Variants in NKAIN3 observed in about 807,000 individuals in gnomAD.
The protein encoded by NKAIN3 is sodium/potassium-transporting ATPase subunit beta-1-interacting protein 3.
In NKAIN3, 25 loss-of-function variants were observed where a neutral mutation model predicts 30.2. The ratio of observed to expected loss-of-function variants is 0.83; its 90% confidence interval spans 0.60 to 1.16. The LOEUF (loss-of-function observed/expected upper bound fraction) is 1.16. Ranked by LOEUF, NKAIN3 falls within the 50% of genes most tolerant of loss-of-function variation. The pLI, the probability that NKAIN3 is intolerant of heterozygous loss-of-function variation, is 0.00. For synonymous variants in NKAIN3, 91 were observed against 89.6 expected, an observed-to-expected ratio of 1.02 and a Z score of -0.09; for missense variants, 225 against 254.1, an observed-to-expected ratio of 0.89 and a Z score of 0.78.
At chr8:62,516,447 A>G (rs568142307) in intron 1 of NKAIN3, among the ~76,000 whole-genome samples, 1 of 152,164 alleles carries the variant, frequency 6.6e-6, no homozygotes, top group East Asian at 1.9e-4. Context: ...GTGTTCATAT[A>G]TGGTAAAGCA....
chr8:62,960,737 A>G (rs539361555), intron 6 of NKAIN3, among the ~76,000 whole-genome samples: 1 of 150,654 alleles, frequency 6.6e-6, no homozygotes, highest in Non-Finnish European at 1.5e-5. Flanking sequence ...GGAAAAAAGC[A>G]CACACACACA....
chr8:62,402,335 C>A (rs370727712), intron 1 of NKAIN3, among the ~76,000 whole-genome samples: 194 of 152,244 alleles, frequency 1.3e-3, no homozygotes, highest in African/African-American at 4.6e-3. Flanking sequence ...CTCTTTGACT[C>A]AGGGCAAGTC....
chr8:62,664,272 A>G (rs536435660), intron 3 of NKAIN3, among the ~76,000 whole-genome samples: 89 of 152,048 alleles, frequency 5.9e-4, no homozygotes, highest in Admixed American at 1.4e-3. Flanking sequence ...CTTTTAATGA[A>G]CAAACTTCCC....
Position 62,980,547 on chromosome 8 carries a change from A to G in NKAIN3, c.*15140A>G, listed in dbSNP as rs1824052743. 1 of 152,226 alleles carries G rather than the reference A, an allele frequency of 6.6e-6. No individual in the cohort carries two copies. Among genetic ancestry groups the G allele is most frequent in the South Asian group, 2.1e-4 (1 of 4,828 alleles). 9.4% of individuals were successfully genotyped at this position (152,226 alleles called of 1,614,324 possible). On this transcript the variant is annotated 3_prime_UTR_variant, in exon 7 of 7. Transcript: ENST00000623646. ...CATCAAAACTTGCGTTGTGTTGTGC[A>G]GCCTTTTCTTTGCATTGTCCAGGGG...
intron 1 of NKAIN3, among the ~76,000 whole-genome samples, chr8:62,519,762 C>T (rs1320285279): frequency 6.6e-6 from 1 of 152,124 alleles, no homozygotes; most frequent in Non-Finnish European, 1.5e-5. Context: ...ATATTCACAG[C>T]CAGTTGCATT....
chr8:62,402,751 T>A (rs1803922019), intron 1 of NKAIN3, among the ~76,000 whole-genome samples: 1 of 152,088 alleles, frequency 6.6e-6, no homozygotes, highest in Non-Finnish European at 1.5e-5. Flanking sequence ...CAATCTTGAG[T>A]ATGTCCTTAT....
intron 3 of NKAIN3, among the ~76,000 whole-genome samples, chr8:62,604,741 T>C (rs1457395820): frequency 1.3e-5 from 2 of 152,094 alleles, no homozygotes; most frequent in African/African-American, 4.8e-5. Flanking sequence ...TTTAGCAAAC[T>C]TCAAAGAAAA....
At chr8:62,547,692 C>T (rs1809062256) in intron 1 of NKAIN3, among the ~76,000 whole-genome samples, 1 of 152,208 alleles carries the variant, frequency 6.6e-6, no homozygotes, top group South Asian at 2.1e-4. Context: ...GCTCCTCCAA[C>T]TTCCAGCAGC....
At chr8:62,629,394 T>C (rs2130258586) in intron 3 of NKAIN3, among the ~76,000 whole-genome samples, 1 of 152,278 alleles carries the variant, frequency 6.6e-6, no homozygotes, top group East Asian at 1.9e-4. Flanking sequence ...ACTTATATTT[T>C]GCATGCCTAC....
At chr8:62,853,142 A>G (rs1351783296) in intron 4 of NKAIN3, among the ~76,000 whole-genome samples, 4 of 152,108 alleles carry the variant, frequency 2.6e-5, no homozygotes, top group Non-Finnish European at 4.4e-5. Context: ...GTGCTCCTGT[A>G]TTTGGTGCAT....
At chr8:62,822,638 A>G (rs1274030750) in intron 4 of NKAIN3, among the ~76,000 whole-genome samples, 1 of 152,162 alleles carries the variant, frequency 6.6e-6, no homozygotes, top group Admixed American at 6.5e-5. Context: ...GTTATATTAT[A>G]CTTGTCATTC....
intron 5 of NKAIN3, among the ~76,000 whole-genome samples, chr8:62,919,015 TAA>T (rs140922512): frequency 6.6e-6 from 1 of 150,742 alleles, no homozygotes; most frequent in Non-Finnish European, 1.5e-5. Flanking sequence ...TACGAGGTGC[TAA>T]AAAAAAGTTA....
rs893870414 is a variant in NKAIN3 at position 62,554,869 on chromosome 8, A to T, written c.55-24670A>T. ...CTTCCACCCCTGATAACCATCACTCACTCTCTGTTTGTATGTATGTGGCTT... is the reference window on the plus strand; with the variant it reads ...CTTCCACCCCTGATAACCATCACTCTCTCTCTGTTTGTATGTATGTGGCTT... On this transcript the variant is annotated intron_variant, in intron 1 of 6. Coordinates refer to ENST00000623646, the MANE Select transcript of NKAIN3 (RefSeq NM_001304533.3). 1.3e-4 allele frequency among the ~76,000 whole-genome samples: 19 copies of T among 151,660 alleles called. 1 individual carries two copies. Among genetic ancestry groups the T allele is most frequent in the Admixed American group, 1.1e-3 (17 of 15,200 alleles).
In NKAIN3 at chr8:62,975,351, G is replaced by T. The variant is rs879707185; in HGVS notation, c.*9944G>T. On this transcript the variant is annotated 3_prime_UTR_variant, in exon 7 of 7. Transcript: ENST00000623646. The stretch of plus-strand genomic sequence containing the variant: ...TGCCTCAATTTCAGAACTTGTTATT[G>T]GTCTATTCAGGGATTCAACTTCTTC... Among the ~76,000 whole-genome samples the T allele has an allele frequency of 4.6e-5, 7 of 151,894 alleles. No individual in the cohort carries two copies. The highest frequency in any genetic ancestry group is 1.0e-4 in the Non-Finnish European group (7 of 67,974).
intron 1 of NKAIN3, among the ~76,000 whole-genome samples, chr8:62,371,761 C>A (rs1816914990): frequency 6.6e-6 from 1 of 151,792 alleles, no homozygotes; most frequent in Non-Finnish European, 1.5e-5. Flanking sequence ...TTAATGCATT[C>A]TTTATTTCAC....
chr8:62,858,135 G>T (rs1255926732), intron 4 of NKAIN3, among the ~76,000 whole-genome samples: 1 of 152,096 alleles, frequency 6.6e-6, no homozygotes, highest in Non-Finnish European at 1.5e-5. Flanking sequence ...CTGGGAGTCT[G>T]CTCCAGACCC....
chr8:62,679,467 A>G (rs1813584134), intron 3 of NKAIN3, among the ~76,000 whole-genome samples: 1 of 152,152 alleles, frequency 6.6e-6, no homozygotes, highest in Non-Finnish European at 1.5e-5. Flanking sequence ...GTTGCCTTGA[A>G]TGGTGTATTA....
chr8:62,414,028 A>C (rs1804351479), intron 1 of NKAIN3, among the ~76,000 whole-genome samples: 1 of 152,154 alleles, frequency 6.6e-6, no homozygotes, highest in African/African-American at 2.4e-5. Context: ...CAAAATCTGA[A>C]GTAAATGTTG....
In NKAIN3 at chr8:62,296,933, T is replaced by C. The variant is rs118184570; in HGVS notation, c.54+47806T>C. On this transcript the variant is annotated intron_variant, in intron 1 of 6. Coordinates refer to ENST00000623646, the MANE Select transcript of NKAIN3 (RefSeq NM_001304533.3). ...TGCTTGTCTCCACCCATTTGCTCAT[T>C]ATAGAGACCCAAGACCCTCACATTC... 1.4e-4 allele frequency among the ~76,000 whole-genome samples: 21 copies of C among 152,272 alleles called. No homozygotes were observed. The East Asian group carries it at 4.1e-3, about 29-fold the overall frequency.
Sources: allele counts gnomAD v4.1 joint callset (sites outside exome capture counted in the v4.1 genomes callset), GRCh38; gene constraint gnomAD v4.1.1; transcripts MANE v1.5; gene names NCBI Gene and HGNC (gene_info 2026-07-23, HGNC 2026-07-21).